STAG2: variants seen among roughly 807,000 people sequenced by gnomAD.
STAG2 encodes the protein STAG2 cohesin complex component, also known as cohesin subunit SA-2.
In STAG2, 14 loss-of-function variants were observed where a neutral mutation model predicts 108.1. That is an observed-to-expected ratio of 0.13 (90% confidence interval 0.09 to 0.20). The LOEUF (loss-of-function observed/expected upper bound fraction) is 0.20, where lower values mean the gene tolerates loss of function less well. STAG2 is among the 10% of genes least tolerant of loss of function. The pLI, the probability that STAG2 is intolerant of heterozygous loss-of-function variation, is 1.00. For missense variants in STAG2, 440 were observed against 940.9 expected (o/e 0.47, Z 6.96); for synonymous variants, 307 against 302.7 (o/e 1.01, Z -0.15).
chrX:124,047,534 A>G (rs2057911031), intron 9 of STAG2, 29 bp downstream of exon 9: 2 of 1,166,362 alleles, frequency 1.7e-6, no homozygotes, highest in Admixed American at 2.4e-5. Flanking sequence ...TATTTAGGCT[A>G]TTGTGTGACC....
chrX:124,054,658 C>T (rs185470075), intron 13 of STAG2, among the ~76,000 whole-genome samples: 40 of 111,833 alleles, frequency 3.6e-4, no homozygotes, highest in African/African-American at 1.3e-3. Flanking sequence ...GATTTTCAGC[C>T]ATCTATATAC....
chrX:124,025,520 A>G (rs1035047539), intron 3 of STAG2, among the ~76,000 whole-genome samples: 3 of 111,164 alleles, frequency 2.7e-5, no homozygotes, highest in Non-Finnish European at 3.8e-5. Flanking sequence ...AATGGAACCA[A>G]CGATTACATG....
At chrX:123,984,348 T>C (rs1187872548) in intron 1 of STAG2, among the ~76,000 whole-genome samples, 1 of 111,827 alleles carries the variant, frequency 8.9e-6, no homozygotes, top group Non-Finnish European at 1.9e-5. Context: ...ATTTATAGTT[T>C]TGCTGAAAAT....
intron 5 of STAG2, among the ~76,000 whole-genome samples, chrX:124,031,553 TTTTTTTG>T (rs1368379916): frequency 2.2e-4 from 17 of 75,711 alleles, no homozygotes; most frequent in South Asian, 1.7e-3. Flanking sequence ...GTTTGTTTGT[TTTTTTTG>T]TTTTTTTGTT....
chrX:124,086,952 T>G (rs751000007), intron 30 of STAG2, among the ~76,000 whole-genome samples, 182 bp downstream of exon 30: 1 of 112,686 alleles, frequency 8.9e-6, no homozygotes, highest in African/African-American at 3.2e-5. Flanking sequence ...CACAACTTTT[T>G]GGGTACATCT....
chrX:124,009,959 G>C (rs2056465046), intron 1 of STAG2, among the ~76,000 whole-genome samples: 1 of 110,680 alleles, frequency 9.0e-6, no homozygotes. Flanking sequence ...AGATATCAAT[G>C]ATTAGTGTCT....
Position 124,086,533 on chromosome X carries a change from G to C in STAG2, c.3054-14G>C, listed in dbSNP as rs111369025. On this transcript the variant is annotated splice_polypyrimidine_tract_variant and intron_variant, in intron 29 of 34. Coordinates refer to ENST00000371145, the MANE Select transcript of STAG2 (RefSeq NM_001042750.2). ...TTTCTGTATCAAAGCTAACAGTTTC[G>C]ATTTCTTTTCAAGGTATGTTTACTT... 1 of 1,178,904 alleles carries C rather than the reference G, an allele frequency of 8.5e-7. No individual in the cohort carries two copies. Among genetic ancestry groups the C allele is most frequent in the East Asian group, 3.0e-5 (1 of 33,661 alleles).
intron 1 of STAG2, among the ~76,000 whole-genome samples, chrX:123,980,484 T>C (rs2054824740): frequency 8.9e-6 from 1 of 111,872 alleles, no homozygotes; most frequent in Non-Finnish European, 1.9e-5. Context: ...TGCTTTTAAA[T>C]TGTATACAGT....
At chrX:124,038,167 G>T (rs2057577658) in intron 6 of STAG2, among the ~76,000 whole-genome samples, 1 of 112,009 alleles carries the variant, frequency 8.9e-6, no homozygotes. Context: ...ATTTTGAACT[G>T]GGAAAGATGA....
intron 30 of STAG2, among the ~76,000 whole-genome samples, chrX:124,089,794 C>T (rs1455750413): frequency 9.0e-6 from 1 of 110,646 alleles, no homozygotes; most frequent in Admixed American, 9.7e-5. Flanking sequence ...TCTTTATGCC[C>T]CAGGAGTAGC....
intron 34 of STAG2, among the ~76,000 whole-genome samples, chrX:124,096,506 TAC>T (rs1225101024): frequency 9.0e-6 from 1 of 111,698 alleles, no homozygotes; most frequent in Non-Finnish European, 1.9e-5. Flanking sequence ...TAACTGTTTG[TAC>T]ACACTTTATT....
chrX:123,960,820 G>A (rs1291948163), upstream of STAG2: 2 of 109,389 alleles, frequency 1.8e-5, no homozygotes, highest in African/African-American at 6.7e-5. Context: ...GAGGAGTGGG[G>A]GAGGCGAACA....
At chrX:124,023,124 A>T (rs143390783) in intron 3 of STAG2, among the ~76,000 whole-genome samples, 1,688 of 112,344 alleles carry the variant, frequency 0.015, 33 homozygotes, top group African/African-American at 0.052. Context: ...CAACATAGGT[A>T]TCCTCTTTAC....
intron 25 of STAG2, among the ~76,000 whole-genome samples, chrX:124,072,413 T>C (rs966418643): frequency 8.9e-6 from 1 of 112,017 alleles, no homozygotes; most frequent in Admixed American, 9.5e-5. Context: ...TTTGTGCTCA[T>C]GTACTAAAAA....
chrX:124,004,904 C>T (rs927864937), intron 1 of STAG2, among the ~76,000 whole-genome samples: 18 of 111,050 alleles, frequency 1.6e-4, no homozygotes, highest in African/African-American at 4.6e-4. Flanking sequence ...ATGTCAAGAC[C>T]GGGAAATTGA....
At chrX:124,039,891 T>C (rs952514918) in intron 6 of STAG2, among the ~76,000 whole-genome samples, 1 of 110,565 alleles carries the variant, frequency 9.0e-6, no homozygotes, top group Admixed American at 9.8e-5. Flanking sequence ...TCAGTTTGTT[T>C]ACAAATCAGG....
intron 6 of STAG2, among the ~76,000 whole-genome samples, chrX:124,042,329 G>T (rs1244524059): frequency 4.5e-5 from 5 of 111,654 alleles, no homozygotes; most frequent in African/African-American, 1.6e-4. Context: ...AATTGTGTTA[G>T]GAAAAAAGAT....
chrX:123,985,533 T>C (rs764904199), intron 1 of STAG2, among the ~76,000 whole-genome samples: 2 of 111,705 alleles, frequency 1.8e-5, no homozygotes, highest in African/African-American at 3.2e-5. Context: ...GTCTTCATCA[T>C]AATAATGATC....
At position 123,972,499 on chromosome X, in the gene STAG2, C is replaced by G. The variant is rs777698915; in HGVS notation, c.-163+10643C>G. Reference sequence around the variant, plus strand: ...TGTTAGCCAGGATGGTCTTGATCTCCTGACCTCGTGATCCGCCCGCCTCGG... The same window carrying G: ...TGTTAGCCAGGATGGTCTTGATCTCGTGACCTCGTGATCCGCCCGCCTCGG... On this transcript the variant is annotated intron_variant, in intron 1 of 34. Transcript: ENST00000371145. Among the ~76,000 whole-genome samples, 8 of 108,855 alleles carry G rather than the reference C, an allele frequency of 7.3e-5. No individual in the cohort carries two copies. The South Asian group carries it at 3.2e-3, about 43-fold the overall frequency. The allele number at this position is 108,855 out of a possible 115,157, so 94.5% of individuals were successfully genotyped here.
Sources: gnomAD v4.1 joint callset for allele counts (sites outside exome capture counted in the v4.1 genomes callset) on GRCh38, gnomAD v4.1.1 for gene constraint, MANE v1.5 for transcripts, NCBI Gene and HGNC (gene_info 2026-07-23, HGNC 2026-07-21) for gene names.